ELAVL2: variants seen among roughly 807,000 people sequenced by gnomAD.
ELAVL2 encodes ELAV like RNA binding protein 2.
ELAVL2 carries 4 observed loss-of-function variants against 34.6 expected under a neutral mutation model. That is an observed-to-expected ratio of 0.12 (90% CI 0.06 to 0.26). ELAVL2 has a LOEUF of 0.26. ELAVL2 is among the 10% of genes least tolerant of loss of function. The pLI is 1.00. For synonymous variants in ELAVL2, 193 were observed against 154.8 expected, an observed-to-expected ratio of 1.25 and a Z score of -1.83; for missense variants, 432 against 442.8, an observed-to-expected ratio of 0.98 and a Z score of 0.22.
intron 1 of ELAVL2, among the ~76,000 whole-genome samples, chr9:23,789,471 A>C (rs781258737): frequency 3.3e-5 from 5 of 152,242 alleles, no homozygotes; most frequent in Admixed American, 1.3e-4. Flanking sequence ...AAACAGTTCA[A>C]AATAGTAATA....
At chr9:23,822,133 T>C (rs1049108288) in intron 1 of ELAVL2, among the ~76,000 whole-genome samples, 25 of 152,102 alleles carry the variant, frequency 1.6e-4, no homozygotes, top group Admixed American at 2.6e-4. Context: ...CCCGGGGCGC[T>C]AACGGGGAGT....
intron 4 of ELAVL2, among the ~76,000 whole-genome samples, chr9:23,703,341 C>G (rs1430580723): frequency 6.6e-6 from 1 of 152,174 alleles, no homozygotes; most frequent in African/African-American, 2.4e-5. Flanking sequence ...ATCTTTATTT[C>G]TAGGCCTGGA....
rs1206438458 is a variant in ELAVL2, at chr9:23,691,122, G to A, written c.*1435C>T. On this transcript the variant is annotated 3_prime_UTR_variant, in exon 7 of 7. Coordinates refer to ENST00000397312, the MANE Select transcript of ELAVL2 (RefSeq NM_004432.5). ...AGACAAAATTTGCAACAAATCTGAT[G>A]CACTGTAAATTCAAGTCCTCAGGAC... 2 of 152,512 alleles carry A rather than the reference G, an allele frequency of 1.3e-5. No individual in the cohort carries two copies. The highest frequency in any genetic ancestry group is 2.9e-5 in the Non-Finnish European group (2 of 67,998). 9.4% of individuals were successfully genotyped at this position (152,512 alleles called of 1,614,324 possible).
At chr9:23,807,471 G>A (rs942887345) in intron 1 of ELAVL2, among the ~76,000 whole-genome samples, 2 of 151,436 alleles carry the variant, frequency 1.3e-5, no homozygotes, top group Admixed American at 6.6e-5. Context: ...AGTATTTTTC[G>A]ACACTCTTAA....
At chr9:23,713,510 T>C (rs754729092) in intron 3 of ELAVL2, among the ~76,000 whole-genome samples, 1 of 152,178 alleles carries the variant, frequency 6.6e-6, no homozygotes, top group Non-Finnish European at 1.5e-5. Flanking sequence ...ACTAAAGTAG[T>C]ATAAAAAATA....
At chr9:23,794,735 C>T (rs902081406) in intron 1 of ELAVL2, among the ~76,000 whole-genome samples, 1 of 152,158 alleles carries the variant, frequency 6.6e-6, no homozygotes, top group Non-Finnish European at 1.5e-5. Context: ...CCAGTCTAAT[C>T]TTTTCAGATC....
intron 3 of ELAVL2, among the ~76,000 whole-genome samples, chr9:23,706,598 G>T (rs562442879): frequency 6.6e-6 from 1 of 152,254 alleles, no homozygotes; most frequent in Admixed American, 6.5e-5. Flanking sequence ...CCTACTTCAA[G>T]GGACAGAAAT....
At chr9:23,751,856 G>A (rs984776908) in intron 2 of ELAVL2, among the ~76,000 whole-genome samples, 4 of 152,144 alleles carry the variant, frequency 2.6e-5, no homozygotes, top group African/African-American at 4.8e-5. Context: ...TCCACACTCC[G>A]GTGCTCTAGT....
At chr9:23,786,600 C>T (rs2059706624) in intron 1 of ELAVL2, among the ~76,000 whole-genome samples, 1 of 151,650 alleles carries the variant, frequency 6.6e-6, no homozygotes, top group African/African-American at 2.4e-5. Flanking sequence ...CCCTTTATTA[C>T]TGGAGATAGA....
In ELAVL2 at chr9:23,765,188, G is replaced by C; in HGVS notation, c.-15-2939C>G. 3 of 1,205,298 alleles carry C rather than the reference G, an allele frequency of 2.5e-6. No individual in the cohort carries two copies. The South Asian group carries it at 4.4e-5, about 18-fold the overall frequency. The allele number at this position is 1,205,298 out of a possible 1,614,324, so 74.7% of individuals were successfully genotyped here. On this transcript the variant is annotated intron_variant, in intron 1 of 6. Transcript: ENST00000397312. ...GTACAAAATTTACAGTGATTGTATT[G>C]ATATTCCCAGCACGTCCATGCAGTG...
At chr9:23,714,283 G>C (rs1468185412) in intron 3 of ELAVL2, among the ~76,000 whole-genome samples, 4 of 152,122 alleles carry the variant, frequency 2.6e-5, no homozygotes. Flanking sequence ...ACACAGAGGA[G>C]GAGACGTGGC....
At chr9:23,697,489 T>A (rs181003619) in intron 5 of ELAVL2, among the ~76,000 whole-genome samples, 50 of 152,342 alleles carry the variant, frequency 3.3e-4, no homozygotes, top group African/African-American at 1.2e-3. Flanking sequence ...CTCATCTTTA[T>A]CCTTTTTTAT....
At chr9:23,742,638 T>A (rs1170904258) in intron 2 of ELAVL2, among the ~76,000 whole-genome samples, 2 of 152,202 alleles carry the variant, frequency 1.3e-5, no homozygotes, top group Non-Finnish European at 2.9e-5. Flanking sequence ...AAATGTCCAC[T>A]GTAATTCCTT....
intron 1 of ELAVL2, among the ~76,000 whole-genome samples, chr9:23,802,562 T>C (rs566171230): frequency 2.0e-5 from 3 of 152,258 alleles, no homozygotes; most frequent in African/African-American, 7.2e-5. Flanking sequence ...GTTTTAAGAC[T>C]CAGATGGGCC....
chr9:23,774,919 A>C (rs1400259982), intron 1 of ELAVL2, among the ~76,000 whole-genome samples: 1 of 152,192 alleles, frequency 6.6e-6, no homozygotes, highest in African/African-American at 2.4e-5. Flanking sequence ...AAGTTTCCAC[A>C]ATTAATGGAT....
At chr9:23,831,888 TGAG>T in the ELAVL2 span, among the ~76,000 whole-genome samples, 3 of 151,766 alleles carry the variant, frequency 2.0e-5, no homozygotes, top group Non-Finnish European at 4.4e-5. Flanking sequence ...AGGGAAGCTG[TGAG>T]GAGAAGTGGA....
At chr9:23,752,806 C>A (rs565367185) in intron 2 of ELAVL2, among the ~76,000 whole-genome samples, 12 of 152,132 alleles carry the variant, frequency 7.9e-5, no homozygotes, top group African/African-American at 2.9e-4. Context: ...TTTTTTCCCC[C>A]TTAAAGGAGG....
intron 2 of ELAVL2, among the ~76,000 whole-genome samples, chr9:23,745,664 T>A (rs768924677): frequency 1.3e-5 from 2 of 152,092 alleles, no homozygotes; most frequent in African/African-American, 2.4e-5. Context: ...GACACAGAAA[T>A]ATAATGCCTG....
chr9:23,795,937 G>A (rs1331212849), intron 1 of ELAVL2, among the ~76,000 whole-genome samples: 3 of 152,074 alleles, frequency 2.0e-5, no homozygotes, highest in Non-Finnish European at 4.4e-5. Context: ...ACAAACCGGG[G>A]GAAAAATGCA....
Sources: allele counts gnomAD v4.1 joint callset (sites outside exome capture counted in the v4.1 genomes callset), GRCh38; gene constraint gnomAD v4.1.1; transcripts MANE v1.5; gene names NCBI Gene and HGNC (gene_info 2026-07-23, HGNC 2026-07-21).